Variants in ERBB4 observed in about 807,000 individuals in gnomAD.
The protein encoded by ERBB4 is erb-b2 receptor tyrosine kinase 4.
Under a neutral mutation model 158.0 loss-of-function variants are expected in ERBB4, and 42 were observed. That is an observed-to-expected ratio of 0.27 (90% confidence interval 0.21 to 0.34). The LOEUF (loss-of-function observed/expected upper bound fraction) is 0.34. Among genes scored for constraint, ERBB4 ranks in the 10% least tolerant of loss-of-function variants. The pLI is 1.00. For synonymous variants in ERBB4, 583 were observed against 558.7 expected (o/e 1.04, Z -0.61); for missense variants, 1,333 against 1,624.1 (o/e 0.82, Z 3.08).
At chr2:212,140,846 AGTGTGTGTGT>A (rs35461019) in intron 1 of ERBB4, among the ~76,000 whole-genome samples, 123 of 131,736 alleles carry the variant, frequency 9.3e-4, no homozygotes, top group African/African-American at 2.6e-3. Context: ...AGGAAACATG[AGTGTGTGTGT>A]GTGTGTGTGT....
At chr2:211,716,040 G>A (rs2073884539) in intron 7 of ERBB4, among the ~76,000 whole-genome samples, 1 of 152,148 alleles carries the variant, frequency 6.6e-6, no homozygotes, top group Admixed American at 6.5e-5. Flanking sequence ...TCAGAATTCT[G>A]GATTAGGAAC....
intron 1 of ERBB4, among the ~76,000 whole-genome samples, chr2:212,273,709 A>G (rs1375557907): frequency 1.3e-5 from 2 of 151,846 alleles, no homozygotes. Flanking sequence ...TTCAGGGATC[A>G]TAAAAGTTTT....
intron 4 of ERBB4, among the ~76,000 whole-genome samples, chr2:211,767,566 G>A (rs1434617363): frequency 6.6e-6 from 1 of 152,120 alleles, no homozygotes; most frequent in Non-Finnish European, 1.5e-5. Flanking sequence ...GTTCCATGTG[G>A]CCGGGGAAGC....
At chr2:212,417,682 T>C (rs1364481455) in intron 1 of ERBB4, among the ~76,000 whole-genome samples, 4 of 152,050 alleles carry the variant, frequency 2.6e-5, no homozygotes, top group African/African-American at 2.4e-5. Context: ...TAGTTCTCAA[T>C]GAAAACTATG....
chr2:212,239,002 A>C (rs1261550027), intron 1 of ERBB4, among the ~76,000 whole-genome samples: 1 of 152,126 alleles, frequency 6.6e-6, no homozygotes, highest in Non-Finnish European at 1.5e-5. Context: ...TCAAACACTT[A>C]TTAATTAATG....
intron 19 of ERBB4, among the ~76,000 whole-genome samples, chr2:211,616,792 A>C (rs892784211): frequency 2.6e-5 from 4 of 152,168 alleles, no homozygotes; most frequent in African/African-American, 9.6e-5. Context: ...ATAGCTGTCC[A>C]TCAATCTGTT....
chr2:211,817,406 G>A (rs2076902456), intron 3 of ERBB4, among the ~76,000 whole-genome samples: 2 of 152,158 alleles, frequency 1.3e-5, no homozygotes, highest in South Asian at 4.2e-4. Context: ...CTTCTCTTTG[G>A]TATAGTTGCA....
chr2:211,412,869 G>A (rs1002267913), intron 25 of ERBB4, among the ~76,000 whole-genome samples: 22 of 149,354 alleles, frequency 1.5e-4, no homozygotes, highest in Non-Finnish European at 2.7e-4. Context: ...CAGGAGAATC[G>A]CTTGAACCTG....
chr2:211,428,426 T>A lies in ERBB4; in HGVS notation c.2701A>T (p.Ser901Cys). 1 of 1,590,948 alleles carries A rather than the reference T, an allele frequency of 6.3e-7. No homozygotes were observed. The highest frequency in any genetic ancestry group is 8.6e-7 in the Non-Finnish European group (1 of 1,159,946). The change falls in exon 22 of 28, where the codon AGT (serine) becomes TGT (cysteine). Residue 901 changes from serine (S) to cysteine (C), a missense_variant. By Grantham distance (112) the Ser-to-Cys change is moderately radical. Around this residue, in one of 5 missense-constraint regions of ERBB4, gnomAD observed 314 missense variants for 437.6 expected, o/e 0.72. Transcript: ENST00000342788. The part of the protein sequence containing the change: ...CIHYRKFTHQ[S>C]DVWSYGVTIW... ...TATTTACCATAGCTCCAAACGTCAC[T>A]CTGATGGGTGAATTTCCTGTAATGT...
chr2:211,847,746 C>T (rs936145180), intron 3 of ERBB4, among the ~76,000 whole-genome samples: 3 of 152,104 alleles, frequency 2.0e-5, no homozygotes, highest in East Asian at 1.9e-4. Context: ...ATTGTACACC[C>T]GGCTACAGCC....
At chr2:211,384,390 A>G (rs2062641433) in intron 27 of ERBB4, among the ~76,000 whole-genome samples, 1 of 152,158 alleles carries the variant, frequency 6.6e-6, no homozygotes, top group African/African-American at 2.4e-5. Flanking sequence ...AGTTATTTAT[A>G]TTAGGAAATA....
chr2:212,387,751 A>G (rs1224657219), intron 1 of ERBB4, among the ~76,000 whole-genome samples: 5 of 152,040 alleles, frequency 3.3e-5, no homozygotes, highest in Admixed American at 2.6e-4. Context: ...AACATTTTGA[A>G]TTCAGTTTAT....
intron 3 of ERBB4, among the ~76,000 whole-genome samples, chr2:211,921,463 G>A (rs1443680662): frequency 1.2e-4 from 18 of 152,004 alleles, no homozygotes; most frequent in Non-Finnish European, 2.2e-4. Flanking sequence ...CTCAACTGAC[G>A]TGTAAGTCTA....
rs147343628 is a variant in ERBB4, at chr2:212,305,080, A to T, written c.83-180177T>A. On this transcript the variant is annotated intron_variant, in intron 1 of 27. Coordinates refer to ENST00000342788, the MANE Select transcript of ERBB4 (RefSeq NM_005235.3). ...TATTTATTGAAACTTATGAATGCCC[A>T]ACTTATAAATGCCAAATATTTTATT... Among the ~76,000 whole-genome samples, 561 of 151,524 alleles carry T rather than the reference A, an allele frequency of 3.7e-3. 5 individuals are homozygous for T. Among genetic ancestry groups the T allele is most frequent in the Non-Finnish European group, 6.1e-3 (413 of 67,578 alleles).
chr2:212,500,280 C>T (rs1690814406), intron 1 of ERBB4, among the ~76,000 whole-genome samples: 1 of 152,042 alleles, frequency 6.6e-6, no homozygotes, highest in South Asian at 2.1e-4. Flanking sequence ...CTCCTTCCTT[C>T]GGGCTAGTTA....
intron 2 of ERBB4, among the ~76,000 whole-genome samples, chr2:212,094,890 T>G (rs10932419): frequency 0.53 from 80,178 of 151,374 alleles, 24,130 homozygotes; most frequent in East Asian, 0.93. Flanking sequence ...TTTATTACAT[T>G]TATATGTTTA....
chr2:211,703,446 G>C (rs181878507), intron 11 of ERBB4, among the ~76,000 whole-genome samples: 1 of 152,206 alleles, frequency 6.6e-6, no homozygotes, highest in Admixed American at 6.5e-5. Context: ...ATGATATTAA[G>C]TTTGGAGATA....
intron 14 of ERBB4, among the ~76,000 whole-genome samples, chr2:211,667,559 C>T (rs1039376394): frequency 1.3e-5 from 2 of 152,010 alleles, no homozygotes; most frequent in East Asian, 1.9e-4. Context: ...AATTTTAACA[C>T]CTGCTTATGG....
chr2:211,691,730 T>C (rs2072829302), intron 12 of ERBB4, among the ~76,000 whole-genome samples: 1 of 151,484 alleles, frequency 6.6e-6, no homozygotes, highest in Admixed American at 6.6e-5. Flanking sequence ...TAAGTAAGAG[T>C]TCTTAAGGCA....
Sources: allele counts gnomAD v4.1 joint callset (sites outside exome capture counted in the v4.1 genomes callset), GRCh38; gene constraint gnomAD v4.1.1; regional missense constraint gnomAD v4.1.1; transcripts MANE v1.5; gene names NCBI Gene and HGNC (gene_info 2026-07-23, HGNC 2026-07-21).